Variants in KIF6 observed in about 807,000 individuals in gnomAD.
KIF6 encodes the protein kinesin-like protein KIF6.
A neutral mutation model predicts 112.7 loss-of-function variants in KIF6; 106 were observed. The ratio of observed to expected loss-of-function variants is 0.94; its 90% CI spans 0.80 to 1.11. The LOEUF is 1.11. Among genes scored for constraint, KIF6 ranks in the 50% least tolerant of loss-of-function variants. The pLI is 0.00. For synonymous variants in KIF6, 339 were observed against 339.9 expected, an observed-to-expected ratio of 1.00 and a Z score of 0.03; for missense variants, 929 against 964.0, an observed-to-expected ratio of 0.96 and a Z score of 0.48.
chr6:39,623,192 T>A (rs1239055291), intron 5 of KIF6, among the ~76,000 whole-genome samples: 6 of 152,246 alleles, frequency 3.9e-5, no homozygotes, highest in Non-Finnish European at 8.8e-5. Context: ...CATGATTTCA[T>A]TATTAGAACT....
chr6:39,719,692 T>C (rs1323056620), intron 2 of KIF6, among the ~76,000 whole-genome samples: 2 of 152,192 alleles, frequency 1.3e-5, no homozygotes, highest in East Asian at 3.8e-4. Context: ...CTGATGACCA[T>C]GCAAGGGTAG....
chr6:39,620,601 G>A (rs1429295211), intron 5 of KIF6: 1 of 152,084 alleles, frequency 6.6e-6, no homozygotes, highest in Non-Finnish European at 1.5e-5. Flanking sequence ...AAGTATGAAA[G>A]TAGAAAGAAC....
chr6:39,675,443 G>T (rs1307857520), intron 3 of KIF6, among the ~76,000 whole-genome samples: 1 of 152,078 alleles, frequency 6.6e-6, no homozygotes, highest in African/African-American at 2.4e-5. Context: ...ATCACAGAAA[G>T]TAATATAAAA....
At chr6:39,601,226 C>A (rs189667582) in intron 6 of KIF6, among the ~76,000 whole-genome samples, 4 of 152,054 alleles carry the variant, frequency 2.6e-5, no homozygotes, top group South Asian at 2.1e-4. Context: ...GATATCCAAC[C>A]CATCCTACTC....
intron 9 of KIF6, chr6:39,583,342 G>A: frequency 2.1e-6 from 1 of 467,684 alleles, no homozygotes; most frequent in Non-Finnish European, 4.4e-6. Flanking sequence ...CCTGAATCTT[G>A]ACTTTGCATG....
chr6:39,599,269 C>A (rs952558094), intron 6 of KIF6, among the ~76,000 whole-genome samples: 1 of 151,982 alleles, frequency 6.6e-6, no homozygotes, highest in Admixed American at 6.6e-5. Flanking sequence ...TAAATATGTT[C>A]AGATCTCCAC....
intron 13 of KIF6, among the ~76,000 whole-genome samples, chr6:39,492,735 T>A (rs1775545321): frequency 6.6e-6 from 1 of 152,210 alleles, no homozygotes; most frequent in South Asian, 2.1e-4. Context: ...TGTGGGGTGG[T>A]AACTTATATC....
chr6:39,478,572 T>C (rs888377291), intron 13 of KIF6, among the ~76,000 whole-genome samples: 1 of 152,192 alleles, frequency 6.6e-6, no homozygotes, highest in Admixed American at 6.5e-5. Flanking sequence ...GATTGCTGGA[T>C]CAAATGATAG....
intron 3 of KIF6, among the ~76,000 whole-genome samples, chr6:39,663,433 C>T (rs1342037903): frequency 2.0e-5 from 3 of 152,026 alleles, no homozygotes; most frequent in African/African-American, 2.4e-5. Context: ...AGTAGTCAGT[C>T]CCAGAGATCC....
intron 15 of KIF6, among the ~76,000 whole-genome samples, chr6:39,419,691 C>G (rs1275070464): frequency 2.0e-5 from 3 of 152,158 alleles, no homozygotes; most frequent in Non-Finnish European, 4.4e-5. Context: ...AAGCACAACT[C>G]TCTGATTGGG....
chr6:39,652,142 G>A (rs1044270787), intron 3 of KIF6, among the ~76,000 whole-genome samples: 3 of 152,132 alleles, frequency 2.0e-5, no homozygotes, highest in Admixed American at 6.5e-5. Context: ...ACAAAATTCC[G>A]TGAGACACAT....
At chr6:39,520,419 G>A (rs1325759534) in intron 13 of KIF6, among the ~76,000 whole-genome samples, 2 of 152,178 alleles carry the variant, frequency 1.3e-5, no homozygotes, top group Non-Finnish European at 2.9e-5. Context: ...TCAGAACAGT[G>A]CCCAACACAA....
At chr6:39,642,643 T>A (rs1157607902) in intron 3 of KIF6, among the ~76,000 whole-genome samples, 2 of 149,072 alleles carry the variant, frequency 1.3e-5, no homozygotes, top group African/African-American at 4.9e-5. Flanking sequence ...TGGCAAGTGT[T>A]TAACATCACA....
intron 9 of KIF6, among the ~76,000 whole-genome samples, chr6:39,582,687 T>C (rs1210550917): frequency 2.6e-5 from 4 of 152,186 alleles, no homozygotes; most frequent in Non-Finnish European, 5.9e-5. Context: ...AGTGCTGGGA[T>C]TACAGGCGTG....
At chr6:39,528,018 T>C (rs1777830302) in intron 13 of KIF6, among the ~76,000 whole-genome samples, 1 of 152,180 alleles carries the variant, frequency 6.6e-6, no homozygotes, top group Non-Finnish European at 1.5e-5. Flanking sequence ...AAATGTACAT[T>C]ATTTATTATA....
At chr6:39,625,521 C>G (rs923226590) in intron 5 of KIF6, among the ~76,000 whole-genome samples, 1 of 152,162 alleles carries the variant, frequency 6.6e-6, no homozygotes, top group African/African-American at 2.4e-5. Flanking sequence ...GCACCCCCAA[C>G]TCCTCAAGAG....
chr6:39,404,164 T>C (rs552943561), intron 15 of KIF6, among the ~76,000 whole-genome samples: 5 of 152,214 alleles, frequency 3.3e-5, no homozygotes, highest in Non-Finnish European at 5.9e-5. Context: ...AGACCAAAAG[T>C]AGTTAATTTT....
Position 39,429,184 on chromosome 6 carries a change from G to A in KIF6, c.1754+1869C>T, listed in dbSNP as rs930200913. Among the ~76,000 whole-genome samples the A allele has an allele frequency of 4.6e-5, 7 of 152,294 alleles. No individual in the cohort carries two copies. In the South Asian group the frequency reaches 6.2e-4, roughly 14 times the overall value. On this transcript the variant is annotated intron_variant, in intron 14 of 22. Coordinates refer to ENST00000287152, the MANE Select transcript of KIF6 (RefSeq NM_145027.6). ...GGATGATAGTCTAGGCTGGGCCTTC[G>A]ACCCTCATTGCGGTTTGCTTTTCCG... is the stretch of plus-strand genomic sequence containing the variant.
At chr6:39,496,757 CTTA>C (rs1209671942) in intron 13 of KIF6, among the ~76,000 whole-genome samples, 1 of 152,132 alleles carries the variant, frequency 6.6e-6, no homozygotes, top group Non-Finnish European at 1.5e-5. Context: ...AATTCGTAAA[CTTA>C]TTATATGACT....
Sources: gnomAD v4.1 joint callset for allele counts (sites outside exome capture counted in the v4.1 genomes callset) on GRCh38, gnomAD v4.1.1 for gene constraint, MANE v1.5 for transcripts, NCBI Gene and HGNC (gene_info 2026-07-23, HGNC 2026-07-21) for gene names.